Variants in PHF14 observed in about 807,000 individuals in gnomAD.
The protein encoded by PHF14 is PHD finger protein 14.
Under a neutral mutation model 117.9 loss-of-function variants are expected in PHF14, and 55 were observed. The observed-to-expected ratio is 0.47, with a 90% CI of 0.38 to 0.58. The LOEUF is 0.58. Among genes scored for constraint, PHF14 ranks in the 20% least tolerant of loss-of-function variants. The pLI is 0.00. For synonymous variants in PHF14, 409 were observed against 368.6 expected (o/e 1.11, Z -1.26); for missense variants, 978 against 1,122.2 (o/e 0.87, Z 1.84).
At chr7:11,144,172 C>T (rs189519819) in intron 17 of PHF14, among the ~76,000 whole-genome samples, 204 of 152,184 alleles carry the variant, frequency 1.3e-3, no homozygotes, top group African/African-American at 4.8e-3. Flanking sequence ...TGAGATTTCT[C>T]ATCCCAGTTA....
At chr7:11,069,621 CCCTT>C (rs2128332436) in intron 16 of PHF14, among the ~76,000 whole-genome samples, 1 of 126,580 alleles carries the variant, frequency 7.9e-6, no homozygotes, top group African/African-American at 3.0e-5. Flanking sequence ...CTCCCTCCCT[CCCTT>C]CTTTCCTTCC....
chr7:11,017,897 T>C (rs1342341507), intron 5 of PHF14, among the ~76,000 whole-genome samples: 3 of 152,188 alleles, frequency 2.0e-5, no homozygotes, highest in African/African-American at 7.2e-5. Flanking sequence ...TAGTTTGAGG[T>C]CTTAGATTTA....
At chr7:11,146,539 C>A (rs890696536) in intron 17 of PHF14, among the ~76,000 whole-genome samples, 1 of 152,078 alleles carries the variant, frequency 6.6e-6, no homozygotes, top group Non-Finnish European at 1.5e-5. Flanking sequence ...ATATTATATA[C>A]CCCTGACTAC....
At chr7:10,976,227 A>G (rs1483493220) in intron 2 of PHF14, among the ~76,000 whole-genome samples, 1 of 152,124 alleles carries the variant, frequency 6.6e-6, no homozygotes, top group Non-Finnish European at 1.5e-5. Context: ...TCAAAAATTG[A>G]TAAGTTTATC....
intron 16 of PHF14, among the ~76,000 whole-genome samples, chr7:11,089,245 C>T (rs1040417864): frequency 6.6e-5 from 10 of 152,182 alleles, no homozygotes; most frequent in African/African-American, 2.2e-4. Flanking sequence ...TTAAAGTTAT[C>T]AGCTGTTTGC....
Position 10,985,636 on chromosome 7 carries a change from C to CCGGTTTTTTTTTTTTTTTTTTTTTTT in PHF14, c.900+2477_900+2478insCGGTTTTTTTTTTTTTTTTTTTTTTT, listed in dbSNP as rs750860479. Among the ~76,000 whole-genome samples, 13 of 90,864 alleles carry CCGGTTTTTTTTTTTTTTTTTTTTTTT rather than the reference C, an allele frequency of 1.4e-4. 2 individuals are homozygous for CCGGTTTTTTTTTTTTTTTTTTTTTTT. The highest frequency in any genetic ancestry group is 6.5e-3 in the Middle Eastern group (1 of 154). 59.6% of individuals were successfully genotyped at this position (90,864 alleles called of 152,430 possible). ...ATACTCTCTAGCAGTGATTCTCAAA[C>CCGGTTTTTTTTTTTTTTTTTTTTTTT]TGTTTTTTTTTTTTTTTTTTTTTTT... On this transcript the variant is annotated intron_variant, in intron 3 of 17. Coordinates refer to ENST00000634607, the MANE Select transcript of PHF14 (RefSeq NM_001007157.2).
chr7:11,050,987 T>C (rs956158227), intron 13 of PHF14, among the ~76,000 whole-genome samples: 2 of 152,112 alleles, frequency 1.3e-5, no homozygotes, highest in South Asian at 4.1e-4. Flanking sequence ...GGACTTTGAT[T>C]TTCAGGTATC....
At chr7:10,997,923 T>C (rs1340431740) in intron 4 of PHF14, among the ~76,000 whole-genome samples, 6 of 152,202 alleles carry the variant, frequency 3.9e-5, no homozygotes, top group Non-Finnish European at 5.9e-5. Flanking sequence ...CCTAGTCAGA[T>C]GTAGGTGGGG....
intron 4 of PHF14, among the ~76,000 whole-genome samples, chr7:10,998,261 G>GT (rs1782734748): frequency 6.6e-6 from 1 of 152,178 alleles, no homozygotes; most frequent in Non-Finnish European, 1.5e-5. Context: ...TGGAGCATGT[G>GT]TAAGTTATTT....
intron 2 of PHF14, among the ~76,000 whole-genome samples, chr7:10,978,167 T>A (rs1244634109): frequency 6.6e-6 from 1 of 152,198 alleles, no homozygotes; most frequent in Non-Finnish European, 1.5e-5. Flanking sequence ...AATCTGACTT[T>A]GAATAAGTGG....
chr7:11,084,962 A>G (rs757150678), intron 16 of PHF14, among the ~76,000 whole-genome samples: 6 of 151,928 alleles, frequency 3.9e-5, no homozygotes, highest in African/African-American at 9.7e-5. Flanking sequence ...ATCTTTGTAT[A>G]AGTTGCAAAT....
intron 17 of PHF14, among the ~76,000 whole-genome samples, chr7:11,135,264 A>AGG (rs1198009579): frequency 6.6e-6 from 1 of 151,970 alleles, no homozygotes; most frequent in Admixed American, 6.6e-5. Context: ...AGGGCTTTTG[A>AGG]GGGGGGGTTC....
intron 17 of PHF14, among the ~76,000 whole-genome samples, chr7:11,168,310 A>G (rs1017836853): frequency 2.6e-5 from 4 of 152,198 alleles, no homozygotes; most frequent in African/African-American, 9.6e-5. Flanking sequence ...AACAAAGTCT[A>G]AATCACAGAT....
intron 7 of PHF14, among the ~76,000 whole-genome samples, chr7:11,034,146 A>G (rs187116515): frequency 1.3e-5 from 2 of 152,076 alleles, no homozygotes; most frequent in Admixed American, 1.3e-4. Context: ...AATATTAAGG[A>G]CACATTAGAT....
chr7:11,022,505 C>T (rs149525155), intron 5 of PHF14, among the ~76,000 whole-genome samples: 1 of 152,178 alleles, frequency 6.6e-6, no homozygotes, highest in East Asian at 1.9e-4. Flanking sequence ...AACGTGACTA[C>T]CTTTCCTTGC....
At chr7:11,140,788 C>G (rs985712516) in intron 17 of PHF14, among the ~76,000 whole-genome samples, 9 of 152,014 alleles carry the variant, frequency 5.9e-5, no homozygotes, top group Non-Finnish European at 1.3e-4. Flanking sequence ...AGTAGAATGG[C>G]AGTAGAATGC....
At chr7:11,143,155 A>T (rs1290673916) in intron 17 of PHF14, among the ~76,000 whole-genome samples, 1 of 152,210 alleles carries the variant, frequency 6.6e-6, no homozygotes, top group African/African-American at 2.4e-5. Flanking sequence ...ACAAAATTGT[A>T]TTGAACTATG....
chr7:11,015,487 G>T (rs1262933850), intron 5 of PHF14, among the ~76,000 whole-genome samples: 2 of 152,154 alleles, frequency 1.3e-5, no homozygotes, highest in Non-Finnish European at 2.9e-5. Flanking sequence ...TCTAAGTTGG[G>T]CCTGAGAGTG....
chr7:11,085,993 T>C (rs1055770064), intron 16 of PHF14, among the ~76,000 whole-genome samples: 11 of 152,206 alleles, frequency 7.2e-5, no homozygotes, highest in African/African-American at 2.7e-4. Context: ...AGTTACATAA[T>C]CTTTGTGCTT....
Sources: gnomAD v4.1 joint callset for allele counts (sites outside exome capture counted in the v4.1 genomes callset) on GRCh38, gnomAD v4.1.1 for gene constraint, MANE v1.5 for transcripts, NCBI Gene and HGNC (gene_info 2026-07-23, HGNC 2026-07-21) for gene names.